Variants in KIF3C observed in about 807,000 individuals in gnomAD.
The protein encoded by KIF3C is kinesin family member 3C.
A neutral mutation model predicts 67.7 loss-of-function variants in KIF3C; 12 were observed. The ratio of observed to expected loss-of-function variants is 0.18; its 90% CI spans 0.11 to 0.29. The LOEUF (loss-of-function observed/expected upper bound fraction) is 0.29. KIF3C is among the 10% of genes least tolerant of loss of function. The probability of loss-of-function intolerance (pLI) is 1.00; values close to 1 mark genes in which losing one functional copy is unlikely to be tolerated. For missense variants in KIF3C, 789 were observed against 1,059.6 expected (o/e 0.74, Z 3.55); for synonymous variants, 393 against 426.2 (o/e 0.92, Z 0.96).
At chr2:25,950,124 C>T (rs1574485587) in intron 5 of KIF3C, among the ~76,000 whole-genome samples, 2 of 151,420 alleles carry the variant, frequency 1.3e-5, no homozygotes, top group South Asian at 4.2e-4. Flanking sequence ...ACTCCTGACG[C>T]CAAGTGATCC....
intron 1 of KIF3C, among the ~76,000 whole-genome samples, chr2:25,978,528 T>G (rs11895443): frequency 0.14 from 21,960 of 151,970 alleles, 2,183 homozygotes; most frequent in African/African-American, 0.27. Context: ...AAGACTGTGA[T>G]ATTTTGTGGG....
rs1365153934 is a variant in KIF3C at position 25,928,701 on chromosome 2, G to C, written c.*277C>G. The C allele has an allele frequency of 6.8e-6, 2 of 293,466 alleles. No individual in the cohort carries two copies. Among genetic ancestry groups the C allele is most frequent in the African/African-American group, 4.4e-5 (2 of 45,884 alleles). The allele number at this position is 293,466 out of a possible 1,614,324, so 18.2% of individuals were successfully genotyped here. On this transcript the variant is annotated 3_prime_UTR_variant, in exon 8 of 8. Coordinates refer to ENST00000264712, the MANE Select transcript of KIF3C (RefSeq NM_002254.8). ...TCTGACTGGGGGAGCTCTCAAGTCA[G>C]AAGAAAAAGAGGCTACGCAGTGACC...
intron 5 of KIF3C, among the ~76,000 whole-genome samples, chr2:25,945,434 G>A (rs1019676008): frequency 6.6e-6 from 1 of 151,758 alleles, no homozygotes; most frequent in Non-Finnish European, 1.5e-5. Flanking sequence ...AGGTTCGGTG[G>A]CTCAAGCCTG....
intron 5 of KIF3C, among the ~76,000 whole-genome samples, chr2:25,941,556 T>TG (rs1553713820): frequency 1.4e-3 from 186 of 137,068 alleles, no homozygotes; most frequent in Non-Finnish European, 2.0e-3. Flanking sequence ...TGTCTCTATT[T>TG]AAAAAAAAAA....
chr2:25,951,010 A>G (rs534680111), intron 5 of KIF3C, among the ~76,000 whole-genome samples: 13 of 152,216 alleles, frequency 8.5e-5, no homozygotes, highest in African/African-American at 2.9e-4. Context: ...CCCATCCCAG[A>G]TTTAGGGAGA....
At chr2:25,937,831 G>T (rs544398848) in intron 5 of KIF3C, among the ~76,000 whole-genome samples, 189 of 152,220 alleles carry the variant, frequency 1.2e-3, no homozygotes, top group African/African-American at 4.4e-3. Flanking sequence ...GAGGCAGGTG[G>T]ATTACCTGAG....
chr2:25,980,981 T>C lies in KIF3C; in HGVS notation c.937A>G (p.Thr313Ala). The C allele has an allele frequency of 6.2e-7, 1 of 1,614,108 alleles. No homozygotes were observed. The highest frequency in any genetic ancestry group is 8.5e-7 in the Non-Finnish European group (1 of 1,180,000). The stretch of plus-strand genomic sequence containing the variant: ...TTGGAGTCCCGGTAGGGAATGTGGG[T>C]GCTCCTGTTGCCCGCCAGGGCAGCA... Reference protein sequence around the residue: ...VIAALAGNRSTHIPYRDSKLT... With the variant: ...VIAALAGNRSAHIPYRDSKLT... The change falls in exon 1 of 8, where the codon ACC becomes GCC. Residue 313 changes from threonine (T) to alanine (A), a missense_variant. By Grantham distance (58) the Thr-to-Ala change is moderately conservative. This residue lies in a region of KIF3C where 648 missense variants were observed against 807.8 expected (regional missense o/e 0.80). Coordinates refer to ENST00000264712, the MANE Select transcript of KIF3C (RefSeq NM_002254.8). This position sits in a 1 kb window ranked among gnomAD's most constrained non-coding sequence, Gnocchi z 7.6.
At chr2:25,956,305 C>T (rs761576351) in intron 2 of KIF3C, 38 bp downstream of exon 2, 1 of 1,485,214 alleles carries the variant, frequency 6.7e-7, no homozygotes, top group Non-Finnish European at 9.4e-7. Context: ...AGCTGCAGGC[C>T]ACACTCTCCA....
chr2:25,939,996 G>C (rs945858132), intron 5 of KIF3C, among the ~76,000 whole-genome samples: 2 of 151,940 alleles, frequency 1.3e-5, no homozygotes, highest in African/African-American at 2.4e-5. Context: ...TAAACCCAGA[G>C]GCAGTTTAAC....
intron 1 of KIF3C, among the ~76,000 whole-genome samples, chr2:25,974,163 G>A (rs767494271): frequency 4.0e-5 from 6 of 151,456 alleles, no homozygotes; most frequent in African/African-American, 1.5e-4. Flanking sequence ...TCTGCCTCCC[G>A]GGTTCAAGTG....
chr2:25,957,712 C>CAGGG (rs1663842193), intron 1 of KIF3C, among the ~76,000 whole-genome samples: 1 of 152,210 alleles, frequency 6.6e-6, no homozygotes, highest in Admixed American at 6.5e-5. Context: ...CACAGCCAGA[C>CAGGG]AGGGGTTAAC....
intron 1 of KIF3C, among the ~76,000 whole-genome samples, chr2:25,961,947 C>CAAAAA (rs201677055): frequency 4.3e-5 from 4 of 92,480 alleles, no homozygotes; most frequent in African/African-American, 1.1e-4. Context: ...GACTCCATCT[C>CAAAAA]AAAAAAAAAA....
chr2:25,974,860 G>A (rs1242757021), intron 1 of KIF3C, among the ~76,000 whole-genome samples: 1 of 151,746 alleles, frequency 6.6e-6, no homozygotes, highest in African/African-American at 2.4e-5. Flanking sequence ...AACCCCATCT[G>A]TACTAAAAAT....
intron 5 of KIF3C, among the ~76,000 whole-genome samples, chr2:25,933,809 G>GT (rs998707674): frequency 6.6e-6 from 1 of 151,744 alleles, no homozygotes; most frequent in African/African-American, 2.4e-5. Context: ...TAGTGAGAAT[G>GT]TAAAAAAAAA....
intron 1 of KIF3C, among the ~76,000 whole-genome samples, chr2:25,975,143 C>T (rs1317952071): frequency 6.6e-6 from 1 of 152,006 alleles, no homozygotes; most frequent in African/African-American, 2.4e-5. Context: ...GACACATCTA[C>T]AGCAGCTCCT....
intron 5 of KIF3C, among the ~76,000 whole-genome samples, chr2:25,948,693 A>AGGAAAGAAGGAAGGAAGGAAG (rs1663514608): frequency 6.9e-6 from 1 of 143,990 alleles, no homozygotes; most frequent in African/African-American, 2.5e-5. Context: ...AAAGAAAGGA[A>AGGAAAGAAGGAAGGAAGGAAG]GGAAAGAAGG....
At chr2:25,948,646 A>C (rs1281023110) in intron 5 of KIF3C, among the ~76,000 whole-genome samples, 1 of 139,424 alleles carries the variant, frequency 7.2e-6, no homozygotes, top group Non-Finnish European at 1.6e-5. Context: ...GAGAAAGAGA[A>C]AGAGAGAAAG....
chr2:25,971,413 C>T (rs1223673820), intron 1 of KIF3C, among the ~76,000 whole-genome samples: 2 of 150,868 alleles, frequency 1.3e-5, no homozygotes, highest in Non-Finnish European at 2.9e-5. Flanking sequence ...GTACTCCAGC[C>T]TGGTGACAGA....
At chr2:25,972,812 G>A (rs529480427) in intron 1 of KIF3C, among the ~76,000 whole-genome samples, 19 of 152,108 alleles carry the variant, frequency 1.2e-4, no homozygotes, top group South Asian at 1.0e-3. Context: ...AAACCCTGTC[G>A]TCCACAGCTT....
Sources: gnomAD v4.1 joint callset for allele counts (sites outside exome capture counted in the v4.1 genomes callset) on GRCh38, gnomAD v4.1.1 for gene constraint, gnomAD v4.1.1 regional missense constraint, Gnocchi (gnomAD v3.1) non-coding constraint, MANE v1.5 for transcripts, NCBI Gene and HGNC (gene_info 2026-07-23, HGNC 2026-07-21) for gene names.